Variants in RPL26L1 observed in about 807,000 individuals in gnomAD.
RPL26L1 encodes the protein ribosomal protein L26 like 1.
In RPL26L1, 8 loss-of-function variants were observed where a neutral mutation model predicts 15.2. That is an observed-to-expected ratio of 0.53 (90% CI 0.31 to 0.95). RPL26L1 has a LOEUF of 0.95. RPL26L1 is among the 40% of genes least tolerant of loss of function. RPL26L1 has a pLI of 0.05. For missense variants in RPL26L1, 146 were observed against 190.9 expected, an observed-to-expected ratio of 0.76 and a Z score of 1.39; for synonymous variants, 51 against 65.9, an observed-to-expected ratio of 0.77 and a Z score of 1.09.
At chr5:172,969,190 AAGAG>A (rs1194432759) in intron 3 of RPL26L1, among the ~76,000 whole-genome samples, 1 of 152,134 alleles carries the variant, frequency 6.6e-6, no homozygotes, top group African/African-American at 2.4e-5. Flanking sequence ...TCAGAGGAAT[AAGAG>A]AGAATATATC....
chr5:172,957,061 G>C (rs1754996717), upstream of RPL26L1: 1 of 395,120 alleles, frequency 2.5e-6, no homozygotes, highest in Non-Finnish European at 5.0e-6. Flanking sequence ...CAAAGAACCA[G>C]GCAGTGGCAG....
upstream of RPL26L1, among the ~76,000 whole-genome samples, chr5:172,954,235 C>G (rs1764301948): frequency 6.6e-6 from 1 of 152,140 alleles, no homozygotes; most frequent in Admixed American, 6.5e-5. Context: ...CCCCTCCCAA[C>G]TCAAAATGCT....
Position 172,964,281 on chromosome 5 carries a change from C to CCTTTTTTTTTTTTTTTTTTT in RPL26L1, c.169-4178_169-4177insCTTTTTTTTTTTTTTTTTTT, listed in dbSNP as rs1402885653. On this transcript the variant is annotated intron_variant, in intron 2 of 3. Coordinates refer to ENST00000265100, the MANE Select transcript of RPL26L1 (RefSeq NM_016093.4). ...TGAGCCACAGTGTCTGGCCTGTTGCCTTTTTTTTTTTTTTTTTTTTTGAGA... is the reference window on the plus strand; with the variant it reads ...TGAGCCACAGTGTCTGGCCTGTTGCCCTTTTTTTTTTTTTTTTTTTTTTTTTTTTTTTTTTTTTTTTGAGA... Among the ~76,000 whole-genome samples the CCTTTTTTTTTTTTTTTTTTT allele has an allele frequency of 3.3e-3, 327 of 99,228 alleles. 87 individuals carry two copies. The highest frequency in any genetic ancestry group is 4.7e-3 in the Non-Finnish European group (231 of 49,270). The allele number at this position is 99,228 out of a possible 152,430, so 65.1% of individuals were successfully genotyped here. A position where few individuals can be genotyped will look rare whatever the true frequency, so the allele number is the denominator to read the frequency against.
upstream of RPL26L1, chr5:172,955,219 C>T (rs578098416): frequency 2.4e-4 from 82 of 342,682 alleles, no homozygotes; most frequent in African/African-American, 1.6e-3. Context: ...ACATCTACCT[C>T]CCAGATTCAA....
In RPL26L1 at chr5:172,969,447, G is replaced by A. The variant is rs146701102; in HGVS notation, c.344G>A (p.Arg115Gln). ...VITRLKLDKD[R>Q]KKILERKAKS... is the part of the protein sequence containing the mutation. ...ACCAGGCTAAAACTGGACAAGGATC[G>A]GAAAAAAATTCTTGAACGCAAAGCC... The change falls in exon 4 of 4, where the codon CGG (arginine) becomes CAG (glutamine). Residue 115 changes from arginine to glutamine, a missense_variant. Coordinates refer to ENST00000265100, the MANE Select transcript of RPL26L1 (RefSeq NM_016093.4). The A allele has an allele frequency of 9.8e-4, 1,581 of 1,613,466 alleles. 21 individuals carry two copies. In the East Asian group the frequency reaches 0.031, roughly 31 times the overall value.
upstream of RPL26L1, chr5:172,958,803 T>C (rs1581602092): frequency 1.3e-5 from 1 of 75,294 alleles, no homozygotes; most frequent in Admixed American, 1.8e-4. Context: ...GGGCCACAGG[T>C]GGGCGCGGAG....
At chr5:172,960,246 T>C (rs759251151) in intron 2 of RPL26L1, among the ~76,000 whole-genome samples, 2 of 152,150 alleles carry the variant, frequency 1.3e-5, no homozygotes, top group Non-Finnish European at 2.9e-5. Context: ...ATAGTAAAAT[T>C]TAATAAAACA....
chr5:172,957,088 G>C (rs144105782), upstream of RPL26L1: 49 of 431,248 alleles, frequency 1.1e-4, no homozygotes, highest in South Asian at 8.0e-4. Context: ...AAACCCAAGC[G>C]ATTTGGGTGC....
At chr5:172,956,471 T>A (rs1003097337), upstream of RPL26L1, among the ~76,000 whole-genome samples, 2 of 152,222 alleles carry the variant, frequency 1.3e-5, no homozygotes, top group Non-Finnish European at 2.9e-5. Context: ...CAATTCATAC[T>A]GTTATTTAAC....
At chr5:172,963,930 T>C (rs546712931) in intron 2 of RPL26L1, among the ~76,000 whole-genome samples, 1 of 152,130 alleles carries the variant, frequency 6.6e-6, no homozygotes, top group Non-Finnish European at 1.5e-5. Context: ...CAGGCTAAGC[T>C]CCATGAAACC....
At chr5:172,959,817 G>T in intron 1 of RPL26L1, 48 bp from the exon 2 acceptor site, 1 of 1,592,412 alleles carries the variant, frequency 6.3e-7, no homozygotes, top group Non-Finnish European at 8.6e-7. Context: ...ACAGGCCCCT[G>T]TAACCCACTG....
upstream of RPL26L1, chr5:172,959,305 G>C (rs2113521608): frequency 1.0e-6 from 1 of 956,982 alleles, no homozygotes; most frequent in African/African-American, 1.8e-5. Context: ...TCGCCCTCCC[G>C]GGGCCGCCAG....
chr5:172,968,439 T>C lies in RPL26L1; in HGVS notation c.169-20T>C, dbSNP rs773101504. 1.9e-6 allele frequency: 3 copies of C among 1,611,858 alleles called. No homozygotes were observed. The highest frequency in any genetic ancestry group is 2.5e-6 in the Non-Finnish European group (3 of 1,179,008). On this transcript the variant is annotated intron_variant, in intron 2 of 3. Transcript: ENST00000265100. ...ATGCACTACAAATGGAGGGGGATTC[T>C]CTTTTGTATTTTCTCTTAGGTAGTT...
At chr5:172,967,953 A>G (rs995669653) in intron 2 of RPL26L1, among the ~76,000 whole-genome samples, 1 of 151,888 alleles carries the variant, frequency 6.6e-6, no homozygotes, top group African/African-American at 2.4e-5. Context: ...ACACACACAC[A>G]TACACTCATA....
At chr5:172,966,313 ATTTTTTTTT>A (rs386405707) in intron 2 of RPL26L1, among the ~76,000 whole-genome samples, 66 of 63,662 alleles carry the variant, frequency 1.0e-3, no homozygotes, top group African/African-American at 3.6e-3. Context: ...CTGGCTAACT[ATTTTTTTTT>A]TTTTTTTTTT....
intron 2 of RPL26L1, among the ~76,000 whole-genome samples, chr5:172,966,313 A>ATTTTTTTTTTTTTTT (rs386405707): frequency 4.7e-5 from 3 of 63,664 alleles, no homozygotes; most frequent in Non-Finnish European, 8.1e-5. Flanking sequence ...CTGGCTAACT[A>ATTTTTTTTTTTTTTT]TTTTTTTTTT....
At chr5:172,966,649 G>C (rs1293007569) in intron 2 of RPL26L1, among the ~76,000 whole-genome samples, 5 of 151,960 alleles carry the variant, frequency 3.3e-5, no homozygotes, top group Non-Finnish European at 5.9e-5. Context: ...GTATTAACAA[G>C]ACTTCTTCCA....
At chr5:172,968,950 G>A (rs111663337) in intron 3 of RPL26L1, among the ~76,000 whole-genome samples, 6,833 of 151,526 alleles carry the variant, frequency 0.045, 300 homozygotes, top group African/African-American at 0.12. Flanking sequence ...TGGGACTACA[G>A]GCACACACCA....
chr5:172,958,261 T>G (rs1018233311), upstream of RPL26L1: 14 of 318,192 alleles, frequency 4.4e-5, no homozygotes, highest in Non-Finnish European at 7.3e-5. Context: ...CGAAACTCTA[T>G]CTCAAAAAAA....
Sources: gnomAD v4.1 joint callset for allele counts (sites outside exome capture counted in the v4.1 genomes callset) on GRCh38, gnomAD v4.1.1 for gene constraint, MANE v1.5 for transcripts, NCBI Gene and HGNC (gene_info 2026-07-23, HGNC 2026-07-21) for gene names.